Variants in COL14A1 observed in about 807,000 individuals in gnomAD.
COL14A1 encodes the protein collagen alpha-1(XIV) chain.
COL14A1 carries 136 observed loss-of-function variants against 230.3 expected under a neutral mutation model. The ratio of observed to expected loss-of-function variants is 0.59; its 90% CI spans 0.51 to 0.68. COL14A1 has a LOEUF of 0.68. Among genes scored for constraint, COL14A1 ranks in the 30% least tolerant of loss-of-function variants. COL14A1 has a pLI of 0.00. For synonymous variants in COL14A1, 792 were observed against 784.1 expected, an observed-to-expected ratio of 1.01 and a Z score of -0.17; for missense variants, 1,976 against 2,215.8, an observed-to-expected ratio of 0.89 and a Z score of 2.17.
chr8:120,262,965 A>G lies in COL14A1; in HGVS notation c.2967A>G (p.Thr989=). The part of the protein sequence containing the change: ...PDSEYKISVY[T]KLQEIEGPSV... ...CTGAATATAAAATCAGTGTTTATAC[A>G]AAGCTCCAGGAGATTGAAGGACCTA... is the stretch of plus-strand genomic sequence containing the variant. The change falls in exon 24 of 48, where the codon ACA becomes ACG. Residue 989 remains threonine (T), a synonymous_variant. Coordinates refer to ENST00000297848, the MANE Select transcript of COL14A1 (RefSeq NM_021110.4). 1 of 1,613,412 alleles carries G rather than the reference A, an allele frequency of 6.2e-7. No homozygotes were observed. The highest frequency in any genetic ancestry group is 8.5e-7 in the Non-Finnish European group (1 of 1,179,718).
intron 45 of COL14A1, among the ~76,000 whole-genome samples, chr8:120,348,592 A>T (rs62528266): frequency 6.6e-6 from 1 of 152,074 alleles, no homozygotes; most frequent in South Asian, 2.1e-4. Context: ...TATACTGCTC[A>T]GGTGATGGGT....
intron 18 of COL14A1, among the ~76,000 whole-genome samples, chr8:120,228,971 T>G (rs1818176220): frequency 6.6e-6 from 1 of 152,106 alleles, no homozygotes; most frequent in Non-Finnish European, 1.5e-5. Context: ...CCTAGTCAAC[T>G]GATCTCACTG....
chr8:120,241,360 A>T (rs1461688327), intron 19 of COL14A1, among the ~76,000 whole-genome samples: 1 of 152,202 alleles, frequency 6.6e-6, no homozygotes, highest in Non-Finnish European at 1.5e-5. Context: ...GAACTTCATA[A>T]GAGGGGAACA....
chr8:120,275,645 A>C (rs2129861268), intron 26 of COL14A1, among the ~76,000 whole-genome samples: 1 of 152,200 alleles, frequency 6.6e-6, no homozygotes, highest in East Asian at 1.9e-4. Context: ...GAAAAAAACA[A>C]ATATCTCATC....
chr8:120,168,225 G>A lies in COL14A1; in HGVS notation c.414G>A (p.Gly138=). 1 of 1,611,746 alleles carries A rather than the reference G, an allele frequency of 6.2e-7. No homozygotes were observed. The highest frequency in any genetic ancestry group is 1.7e-5 in the Admixed American group (1 of 59,658). ...TCAAAGTTGTGGACAGAGGAAATGG[G>A]AGTAGACCATCTTCACCAGAAGGTC... ...PRVKVVDRGN[G]SRPSSPEEVK... The change falls in exon 5 of 48, where the codon GGG becomes GGA. Residue 138 remains glycine, a synonymous_variant. Transcript: ENST00000297848.
chr8:120,227,279 G>A lies in COL14A1; in HGVS notation c.2064G>A (p.Glu688=), dbSNP rs764570884. 4 of 1,614,092 alleles carry A rather than the reference G, an allele frequency of 2.5e-6. No homozygotes were observed. In the Admixed American group the frequency reaches 6.7e-5, roughly 27 times the overall value. ...TTGAAGGCCTGGAGCCCGGTACGGA[G>A]TATGAAGTTTCACTATTGGCCGTAC... is the stretch of plus-strand genomic sequence containing the variant. ...HVIEGLEPGT[E]YEVSLLAVLD... Residue 688 remains glutamate (E), a synonymous_variant, in exon 17 of 48, where the codon GAG becomes GAA. Transcript: ENST00000297848.
At chr8:120,318,018 TC>T (rs1419564857) in intron 40 of COL14A1, among the ~76,000 whole-genome samples, 9 of 152,306 alleles carry the variant, frequency 5.9e-5, no homozygotes, top group African/African-American at 2.2e-4. Flanking sequence ...ATTGTATGAT[TC>T]CTGTGATGAT....
chr8:120,202,025 GTTATA>G (rs771956061), intron 8 of COL14A1, among the ~76,000 whole-genome samples: 3 of 152,184 alleles, frequency 2.0e-5, no homozygotes, highest in Non-Finnish European at 2.9e-5. Context: ...TACACTCAAT[GTTATA>G]TTAATTCAGA....
chr8:120,258,557 G>T (rs1192648475), intron 23 of COL14A1, among the ~76,000 whole-genome samples: 1 of 151,902 alleles, frequency 6.6e-6, no homozygotes, highest in Non-Finnish European at 1.5e-5. Flanking sequence ...TGGATGCAAA[G>T]AAAGAGATTT....
Position 120,315,369 on chromosome 8 carries a change from TAAAAAA to T in COL14A1, c.4552-145_4552-140del, listed in dbSNP as rs56356824. Among the ~76,000 whole-genome samples the T allele has an allele frequency of 1.9e-3, 218 of 111,846 alleles. 3 individuals carry two copies. The highest frequency in any genetic ancestry group is 0.011 in the Middle Eastern group (2 of 174). 73.4% of individuals were successfully genotyped at this position (111,846 alleles called of 152,430 possible). ...TGGGCAACAAGAGCAAGACTCCATT[TAAAAAA>T]AAAAAAAAAAAAAAAAAAGTGTATA... is the stretch of plus-strand genomic sequence containing the variant. On this transcript the variant is annotated intron_variant, in intron 38 of 47. Coordinates refer to ENST00000297848, the MANE Select transcript of COL14A1 (RefSeq NM_021110.4).
At chr8:120,249,731 T>G (rs1247570162) in intron 21 of COL14A1, among the ~76,000 whole-genome samples, 3 of 152,150 alleles carry the variant, frequency 2.0e-5, no homozygotes, top group Non-Finnish European at 2.9e-5. Context: ...ATTTTTCAGT[T>G]CAAAATACCA....
intron 24 of COL14A1, 66 bp from the exon 25 acceptor site, chr8:120,266,761 A>G: frequency 2.3e-6 from 3 of 1,310,184 alleles, no homozygotes; most frequent in Non-Finnish European, 3.3e-6. Flanking sequence ...TTATTACTCC[A>G]TGACCTTCCG....
intron 40 of COL14A1, among the ~76,000 whole-genome samples, chr8:120,322,054 A>G (rs1323897709): frequency 1.3e-5 from 2 of 152,042 alleles, no homozygotes; most frequent in African/African-American, 2.4e-5. Context: ...GCAGGTTACT[A>G]AAAATGTACA....
chr8:120,198,328 T>G (rs1817115714), intron 7 of COL14A1, among the ~76,000 whole-genome samples: 2 of 152,174 alleles, frequency 1.3e-5, no homozygotes, highest in Admixed American at 6.6e-5. Flanking sequence ...CTGCAATCAT[T>G]AGTTATCATG....
chr8:120,218,553 G>T (rs776420176), intron 14 of COL14A1, among the ~76,000 whole-genome samples: 1 of 151,940 alleles, frequency 6.6e-6, no homozygotes, highest in African/African-American at 2.4e-5. Context: ...CAGGCAATCC[G>T]CCCGCCTAGG....
At chr8:120,136,385 C>CAT (rs35121765) in intron 1 of COL14A1, among the ~76,000 whole-genome samples, 121,359 of 149,290 alleles carry the variant, frequency 0.81, 49,635 homozygotes, top group African/African-American at 0.92. Context: ...ACACACACTA[C>CAT]ATATATATAT....
At chr8:120,140,528 C>T (rs1366829725) in intron 1 of COL14A1, among the ~76,000 whole-genome samples, 2 of 152,004 alleles carry the variant, frequency 1.3e-5, no homozygotes, top group African/African-American at 4.8e-5. Context: ...ATATGGTATA[C>T]CAAATAACTA....
At chr8:120,198,612 A>T (rs1258893589) in intron 7 of COL14A1, among the ~76,000 whole-genome samples, 1 of 152,138 alleles carries the variant, frequency 6.6e-6, no homozygotes, top group Non-Finnish European at 1.5e-5. Context: ...GAATTTTTAG[A>T]TTTGGGATGC....
chr8:120,242,795 T>C (rs1818644938), intron 19 of COL14A1, among the ~76,000 whole-genome samples: 1 of 152,230 alleles, frequency 6.6e-6, no homozygotes, highest in Non-Finnish European at 1.5e-5. Flanking sequence ...ATATTTAAAA[T>C]ACTGCTTTTA....
Sources: gnomAD v4.1 joint callset for allele counts (sites outside exome capture counted in the v4.1 genomes callset) on GRCh38, gnomAD v4.1.1 for gene constraint, MANE v1.5 for transcripts, NCBI Gene and HGNC (gene_info 2026-07-23, HGNC 2026-07-21) for gene names.